SEMA3A: variants seen among roughly 807,000 people sequenced by gnomAD.
SEMA3A encodes the protein semaphorin-3A.
A neutral mutation model predicts 97.9 loss-of-function variants in SEMA3A; 29 were observed. The ratio of observed to expected loss-of-function variants is 0.30; its 90% CI spans 0.22 to 0.40. The LOEUF (loss-of-function observed/expected upper bound fraction) is 0.40. SEMA3A is among the 10% of genes least tolerant of loss of function. SEMA3A has a pLI of 1.00. For missense variants in SEMA3A, 763 were observed against 951.3 expected (o/e 0.80, Z 2.60); for synonymous variants, 321 against 323.7 (o/e 0.99, Z 0.09).
chr7:84,215,483 C>T (rs755018693), intron 3 of SEMA3A, among the ~76,000 whole-genome samples: 4 of 152,216 alleles, frequency 2.6e-5, no homozygotes, highest in Non-Finnish European at 5.9e-5. Context: ...AGCCTCTGCA[C>T]CCAACCCAAA....
At chr7:84,012,798 TA>T (rs1279996061) in intron 7 of SEMA3A, among the ~76,000 whole-genome samples, 5 of 152,196 alleles carry the variant, frequency 3.3e-5, no homozygotes, top group Non-Finnish European at 7.4e-5. Flanking sequence ...CTAGAAACTA[TA>T]GTTTTCACAA....
At chr7:84,458,350 AC>A (rs1283020216) in intron 1 of SEMA3A, among the ~76,000 whole-genome samples, 1 of 152,082 alleles carries the variant, frequency 6.6e-6, no homozygotes, top group East Asian at 1.9e-4. Flanking sequence ...ATGTTCAAAA[AC>A]ATCTTCATTT....
intron 2 of SEMA3A, among the ~76,000 whole-genome samples, chr7:84,130,297 T>A (rs1481084183): frequency 1.3e-5 from 2 of 152,140 alleles, no homozygotes; most frequent in Non-Finnish European, 2.9e-5. Context: ...GCAAAGGCTA[T>A]GATATTCAAT....
chr7:84,116,355 A>G (rs1011714582), intron 3 of SEMA3A, among the ~76,000 whole-genome samples: 3 of 152,064 alleles, frequency 2.0e-5, no homozygotes, highest in Non-Finnish European at 4.4e-5. Flanking sequence ...TCTTTTTTTC[A>G]TGACCAAGTT....
At chr7:84,053,019 G>T (rs941674667) in intron 5 of SEMA3A, among the ~76,000 whole-genome samples, 7 of 148,786 alleles carry the variant, frequency 4.7e-5, no homozygotes, top group Non-Finnish European at 7.5e-5. Flanking sequence ...GTAGTTGAGC[G>T]GTTTTGAGTG....
chr7:84,376,212 G>T (rs1272855630), intron 1 of SEMA3A, among the ~76,000 whole-genome samples: 1 of 152,090 alleles, frequency 6.6e-6, no homozygotes, highest in Non-Finnish European at 1.5e-5. Context: ...CCCAGCAGTG[G>T]GATTGCTGGA....
At chr7:84,198,018 G>C (rs1413001020), upstream of SEMA3A, among the ~76,000 whole-genome samples, 3 of 152,062 alleles carry the variant, frequency 2.0e-5, no homozygotes, top group Non-Finnish European at 2.9e-5. Context: ...AGGATTACAG[G>C]CGTGAGCCCC....
In SEMA3A at chr7:84,403,784, G is replaced by C. The variant is rs951361055; in HGVS notation, c.-245-31884C>G. 8.5e-5 allele frequency among the ~76,000 whole-genome samples: 13 copies of C among 152,098 alleles called. No individual in the cohort carries two copies. In the East Asian group the frequency reaches 9.7e-4, roughly 11 times the overall value. ...CCACTGCTGATACCCAGGCAAACAG[G>C]GTCTGGAGTGGACCTCCAGTAAACT... On this transcript the variant is annotated intron_variant, in intron 1 of 3. Transcript: ENST00000424555.
chr7:84,218,779 G>A (rs1383820000), intron 3 of SEMA3A, among the ~76,000 whole-genome samples: 1 of 151,880 alleles, frequency 6.6e-6, no homozygotes, highest in African/African-American at 2.4e-5. Flanking sequence ...TCCTAACTTA[G>A]AGGAGACGAC....
At chr7:84,115,573 C>T (rs899680581) in intron 3 of SEMA3A, among the ~76,000 whole-genome samples, 2 of 152,078 alleles carry the variant, frequency 1.3e-5, no homozygotes, top group Non-Finnish European at 2.9e-5. Context: ...CTTATGATAT[C>T]TATTTTTAGG....
At chr7:83,962,691 G>A (rs1788518433) in intron 16 of SEMA3A, among the ~76,000 whole-genome samples, 1 of 152,128 alleles carries the variant, frequency 6.6e-6, no homozygotes, top group African/African-American at 2.4e-5. Flanking sequence ...CAAATGAGCA[G>A]GGAGATCTGC....
intron 2 of SEMA3A, among the ~76,000 whole-genome samples, chr7:84,335,126 G>A (rs990257950): frequency 6.6e-6 from 1 of 151,878 alleles, no homozygotes; most frequent in East Asian, 1.9e-4. Flanking sequence ...AAGATAGGGA[G>A]GATAAACTCT....
At chr7:84,217,896 C>A (rs1462723859) in intron 3 of SEMA3A, among the ~76,000 whole-genome samples, 1 of 151,708 alleles carries the variant, frequency 6.6e-6, no homozygotes, top group Non-Finnish European at 1.5e-5. Flanking sequence ...GGGTGGGTAA[C>A]AAAGTAAGAC....
intron 1 of SEMA3A, among the ~76,000 whole-genome samples, chr7:84,189,947 G>A (rs1797989766): frequency 6.6e-6 from 1 of 151,504 alleles, no homozygotes; most frequent in Admixed American, 6.6e-5. Flanking sequence ...CGTATTTCAT[G>A]TCACTGACAA....
intron 1 of SEMA3A, among the ~76,000 whole-genome samples, chr7:84,448,305 G>A (rs1372767193): frequency 6.6e-6 from 1 of 152,128 alleles, no homozygotes; most frequent in African/African-American, 2.4e-5. Context: ...GTTGTAGTAA[G>A]AGCAATTGGG....
rs17158931 is a variant in SEMA3A at position 84,356,613 on chromosome 7, C to A, written c.-169+15211G>T. On this transcript the variant is annotated intron_variant, in intron 2 of 3. Transcript: ENST00000424555. The stretch of plus-strand genomic sequence containing the variant: ...AATCATTATGAAATCCAAAGCTTTA[C>A]AATATGCATTTTAGTAAGAAAATAT... 0.014 allele frequency among the ~76,000 whole-genome samples: 2,190 copies of A among 151,786 alleles called. 93 individuals carry two copies. In the East Asian group the frequency reaches 0.15, roughly 10 times the overall value.
At chr7:84,062,150 T>C (rs559801510) in intron 4 of SEMA3A, among the ~76,000 whole-genome samples, 16 of 152,352 alleles carry the variant, frequency 1.1e-4, no homozygotes, top group Non-Finnish European at 1.2e-4. Flanking sequence ...TATGTTAGTA[T>C]TACCAGTATA....
chr7:84,281,120 T>G (rs1339265269), intron 3 of SEMA3A, among the ~76,000 whole-genome samples: 1 of 152,194 alleles, frequency 6.6e-6, no homozygotes, highest in Non-Finnish European at 1.5e-5. Context: ...CAGCCATTGC[T>G]CCTGAATTTT....
intron 2 of SEMA3A, among the ~76,000 whole-genome samples, chr7:84,324,964 G>A (rs972359240): frequency 3.9e-5 from 6 of 151,956 alleles, no homozygotes; most frequent in South Asian, 2.1e-4. Flanking sequence ...AAGACCTTAC[G>A]TTCAAAAAGA....
Sources: gnomAD v4.1 joint callset for allele counts (sites outside exome capture counted in the v4.1 genomes callset) on GRCh38, gnomAD v4.1.1 for gene constraint, MANE v1.5 for transcripts, NCBI Gene and HGNC (gene_info 2026-07-23, HGNC 2026-07-21) for gene names.